EFCAB5: variants seen among roughly 807,000 people sequenced by gnomAD.
EFCAB5 encodes the protein EF-hand calcium-binding domain-containing protein 5.
Under a neutral mutation model 167.9 loss-of-function variants are expected in EFCAB5, and 131 were observed. The observed-to-expected ratio is 0.78, with a 90% CI of 0.68 to 0.90. The LOEUF (loss-of-function observed/expected upper bound fraction) is 0.90. Ranked by LOEUF, EFCAB5 falls within the 40% of genes least tolerant of loss-of-function variation. The pLI, the probability that EFCAB5 is intolerant of heterozygous loss-of-function variation, is 0.00. For missense variants in EFCAB5, 1,663 were observed against 1,745.2 expected (o/e 0.95, Z 0.84); for synonymous variants, 574 against 602.8 (o/e 0.95, Z 0.70).
chr17:30,069,511 C>A, intron 14 of EFCAB5: 1 of 1,607,464 alleles, frequency 6.2e-7, no homozygotes, highest in African/African-American at 1.3e-5. Context: ...CTGAAAATAT[C>A]AAGGAAGGCA....
intron 4 of EFCAB5, among the ~76,000 whole-genome samples, chr17:29,971,170 C>A (rs977117402): frequency 1.4e-4 from 22 of 151,874 alleles, no homozygotes; most frequent in South Asian, 2.1e-4. Context: ...TTAAGCAGGG[C>A]TTTCTTCTGT....
At chr17:29,951,349 T>G (rs1201990316) in intron 3 of EFCAB5, among the ~76,000 whole-genome samples, 1 of 152,150 alleles carries the variant, frequency 6.6e-6, no homozygotes, top group Non-Finnish European at 1.5e-5. Context: ...TTGTTTGGTT[T>G]GGTTTTGAGA....
chr17:29,985,517 C>T (rs1215730326), intron 4 of EFCAB5, among the ~76,000 whole-genome samples: 1 of 152,104 alleles, frequency 6.6e-6, no homozygotes, highest in East Asian at 1.9e-4. Flanking sequence ...GAGCCGAGAG[C>T]CTGGAACAGA....
At chr17:30,018,049 G>A (rs1425371751) in intron 7 of EFCAB5, among the ~76,000 whole-genome samples, 1 of 152,126 alleles carries the variant, frequency 6.6e-6, no homozygotes, top group Non-Finnish European at 1.5e-5. Context: ...TATTGAGAAT[G>A]TCTGCCTACA....
intron 6 of EFCAB5, among the ~76,000 whole-genome samples, chr17:29,997,194 G>A (rs542552380): frequency 3.0e-4 from 46 of 151,128 alleles, no homozygotes; most frequent in African/African-American, 1.1e-3. Context: ...GCAGTGAGCC[G>A]AGGTGACGCC....
At chr17:29,946,682 C>T (rs1226617703) in intron 3 of EFCAB5, among the ~76,000 whole-genome samples, 1 of 152,010 alleles carries the variant, frequency 6.6e-6, no homozygotes, top group Non-Finnish European at 1.5e-5. Context: ...TCGTGATCCA[C>T]CCGCCTTGGC....
chr17:30,021,426 TATA>T (rs368682388), intron 7 of EFCAB5, among the ~76,000 whole-genome samples: 4,390 of 147,852 alleles, frequency 0.03, 202 homozygotes, highest in African/African-American at 0.1. Context: ...TTATATATAA[TATA>T]ATGTTTATTA....
chr17:30,059,519 G>A, intron 13 of EFCAB5, 26 bp from the exon 14 acceptor site: 7 of 1,571,830 alleles, frequency 4.5e-6, no homozygotes, highest in Non-Finnish European at 6.0e-6. Context: ...TATCTTCCGT[G>A]CTTTATTATC....
In EFCAB5 at chr17:30,079,973, C is replaced by T. The variant is rs899271255; in HGVS notation, c.3028-99C>T. Reference sequence around the variant, plus strand: ...GCATTCTTTATTCAGGAAAATGAAACTACTGGGGCAAGATGCATGAATTAA... The same window carrying T: ...GCATTCTTTATTCAGGAAAATGAAATTACTGGGGCAAGATGCATGAATTAA... On this transcript the variant is annotated intron_variant, in intron 15 of 22. Transcript: ENST00000394835. The T allele has an allele frequency of 2.1e-5, 29 of 1,401,864 alleles. No homozygotes were observed. In the Admixed American group the frequency reaches 4.0e-4, roughly 20 times the overall value. The allele number at this position is 1,401,864 out of a possible 1,614,324, so 86.8% of individuals were successfully genotyped here. A position where few individuals can be genotyped will look rare whatever the true frequency, so the allele number is the denominator to read the frequency against.
intron 7 of EFCAB5, among the ~76,000 whole-genome samples, chr17:30,020,922 G>T (rs1049301060): frequency 3.4e-5 from 2 of 59,660 alleles, no homozygotes; most frequent in Admixed American, 1.4e-4. Flanking sequence ...AGACAAACAG[G>T]CAAATAATTA....
chr17:30,047,262 T>C (rs2069953522), intron 8 of EFCAB5, among the ~76,000 whole-genome samples: 1 of 152,190 alleles, frequency 6.6e-6, no homozygotes, highest in African/African-American at 2.4e-5. Flanking sequence ...TGATTTTTCA[T>C]ATGTAGCCTC....
At chr17:30,091,598 G>C (rs1217131393) in intron 20 of EFCAB5, among the ~76,000 whole-genome samples, 1 of 152,168 alleles carries the variant, frequency 6.6e-6, no homozygotes, top group African/African-American at 2.4e-5. Context: ...TAATAAGGGT[G>C]ACAGCGTGTG....
At chr17:29,930,046 T>C (rs763161164) in intron 1 of EFCAB5, 6 of 1,131,854 alleles carry the variant, frequency 5.3e-6, no homozygotes, top group Non-Finnish European at 5.6e-6. Flanking sequence ...TTGTCCTGAG[T>C]GTGGGGGACG....
At chr17:30,002,347 T>C (rs912649300) in intron 7 of EFCAB5, among the ~76,000 whole-genome samples, 1 of 152,186 alleles carries the variant, frequency 6.6e-6, no homozygotes, top group African/African-American at 2.4e-5. Flanking sequence ...GTGTGTATAG[T>C]ATTATGTTAT....
At position 30,044,680 on chromosome 17, in the gene EFCAB5, C is replaced by T. The variant is rs149619217; in HGVS notation, c.1201-6438C>T. ...GAAAAACTTAAATTCTCTTAGATTG[C>T]TGGTAGGAATGATACAACCACTTCA... is the stretch of plus-strand genomic sequence containing the variant. On this transcript the variant is annotated intron_variant, in intron 8 of 22. Transcript: ENST00000394835. 9.5e-4 allele frequency among the ~76,000 whole-genome samples: 145 copies of T among 152,172 alleles called. 2 individuals carry two copies. In the Middle Eastern group the frequency reaches 0.01, roughly 11 times the overall value.
chr17:30,107,093 AT>A (rs2071459024), intron 22 of EFCAB5, among the ~76,000 whole-genome samples: 1 of 152,202 alleles, frequency 6.6e-6, no homozygotes, highest in Non-Finnish European at 1.5e-5. Flanking sequence ...GTTCAACTCT[AT>A]ATAGTCTTTC....
At chr17:30,042,264 C>T (rs1396751320) in intron 8 of EFCAB5, among the ~76,000 whole-genome samples, 1 of 152,204 alleles carries the variant, frequency 6.6e-6, no homozygotes, top group Non-Finnish European at 1.5e-5. Flanking sequence ...GTGCCTCAGC[C>T]TCCCAAAGTG....
At chr17:29,992,245 C>T (rs1326868311) in intron 4 of EFCAB5, among the ~76,000 whole-genome samples, 2 of 152,150 alleles carry the variant, frequency 1.3e-5, no homozygotes, top group Non-Finnish European at 2.9e-5. Flanking sequence ...CTTTCTGTGC[C>T]TGGCTTTTTT....
chr17:30,035,760 G>A (rs2069598381), intron 8 of EFCAB5, among the ~76,000 whole-genome samples: 1 of 151,996 alleles, frequency 6.6e-6, no homozygotes, highest in South Asian at 2.1e-4. Flanking sequence ...TATAGTATAG[G>A]GAGAGTTACT....
Sources: gnomAD v4.1 joint callset for allele counts (sites outside exome capture counted in the v4.1 genomes callset) on GRCh38, gnomAD v4.1.1 for gene constraint, MANE v1.5 for transcripts, NCBI Gene and HGNC (gene_info 2026-07-23, HGNC 2026-07-21) for gene names.